Variants in TERF2 observed in about 807,000 individuals in gnomAD.
The protein encoded by TERF2 is telomeric repeat binding factor 2, also known as telomeric repeat-binding factor 2.
A neutral mutation model predicts 56.1 loss-of-function variants in TERF2; 16 were observed. That is an observed-to-expected ratio of 0.29 (90% confidence interval 0.19 to 0.43). The LOEUF (loss-of-function observed/expected upper bound fraction) is 0.43, where lower values mean the gene tolerates loss of function less well. TERF2 is among the 20% of genes least tolerant of loss of function. The pLI, the probability that TERF2 is intolerant of heterozygous loss-of-function variation, is 1.00. For missense variants in TERF2, 547 were observed against 712.9 expected (o/e 0.77, Z 2.65); for synonymous variants, 296 against 282.1 (o/e 1.05, Z -0.50).
intron 8 of TERF2, among the ~76,000 whole-genome samples, chr16:69,358,404 C>G (rs2013001879): frequency 6.6e-6 from 1 of 152,204 alleles, no homozygotes; most frequent in Non-Finnish European, 1.5e-5. Flanking sequence ...CCTCGGCCTC[C>G]CAAAGTGCTG....
intron 6 of TERF2, among the ~76,000 whole-genome samples, chr16:69,367,987 C>T (rs1412390639): frequency 6.6e-6 from 1 of 152,210 alleles, no homozygotes; most frequent in Non-Finnish European, 1.5e-5. Context: ...GTTTCCTAAC[C>T]GGCCCTCAAA....
chr16:69,370,670 C>T lies in TERF2; in HGVS notation c.694-41G>A, dbSNP rs531970163. ...ATATTTGCAACATGAGAAAGTAGAA[C>T]TCCAGTAAAAATTCAATGATGATGA... On this transcript the variant is annotated intron_variant, in intron 4 of 9. Coordinates refer to ENST00000254942, the MANE Select transcript of TERF2 (RefSeq NM_005652.5). The T allele has an allele frequency of 3.8e-6, 6 of 1,560,782 alleles. No homozygotes were observed. In the South Asian group the frequency reaches 7.2e-5, roughly 19 times the overall value.
At chr16:69,385,050 AG>A (rs2014139242) in intron 2 of TERF2, among the ~76,000 whole-genome samples, 1 of 152,178 alleles carries the variant, frequency 6.6e-6, no homozygotes, top group Admixed American at 6.5e-5. Context: ...TTAAATTCAG[AG>A]GGGAAAAATG....
At chr16:69,361,510 G>A in intron 7 of TERF2, 21 bp from the exon 8 acceptor site, 2 of 1,556,414 alleles carry the variant, frequency 1.3e-6, no homozygotes, top group Non-Finnish European at 1.8e-6. Flanking sequence ...ATCAAGGAGA[G>A]CACAGGTATA....
rs761129705 is a variant in TERF2, at chr16:69,366,798, T to A, written c.1340+9A>T. The A allele has an allele frequency of 3.0e-5, 48 of 1,597,398 alleles. No homozygotes were observed. Among genetic ancestry groups the A allele is most frequent in the Non-Finnish European group, 3.9e-5 (46 of 1,171,314 alleles). On this transcript the variant is annotated intron_variant, in intron 7 of 9. Coordinates refer to ENST00000254942, the MANE Select transcript of TERF2 (RefSeq NM_005652.5). Reference sequence around the variant, plus strand: ...AGCCCCAAAATTTCTACAAAGAAGGTCTTCATACTTGGGATTCTTCTCTCC... The same window carrying A: ...AGCCCCAAAATTTCTACAAAGAAGGACTTCATACTTGGGATTCTTCTCTCC...
chr16:69,368,326 A>G (rs749741446), intron 6 of TERF2, 50 bp downstream of exon 6: 5 of 1,579,312 alleles, frequency 3.2e-6, no homozygotes, highest in Non-Finnish European at 4.3e-6. Context: ...GACTGCTTCC[A>G]GCGACCACCC....
In TERF2 at chr16:69,357,570, C is replaced by T; in HGVS notation, c.1427-9G>A. 1 of 1,613,076 alleles carries T rather than the reference C, an allele frequency of 6.2e-7. No individual in the cohort carries two copies. On this transcript the variant is annotated splice_polypyrimidine_tract_variant and intron_variant, in intron 8 of 9. Coordinates refer to ENST00000254942, the MANE Select transcript of TERF2 (RefSeq NM_005652.5). ...GTCTTCATCTGGTGCTGCTGGAAAA[C>T]ATTAAAAGTAGACTCATTTCAGAGT...
intron 4 of TERF2, 101 bp downstream of exon 4, chr16:69,372,168 A>C: frequency 1.3e-6 from 1 of 750,472 alleles, no homozygotes; most frequent in East Asian, 2.7e-5. Flanking sequence ...TGAAAGGAGA[A>C]TATTTAAGTA....
chr16:69,360,338 T>C (rs2013087105), intron 8 of TERF2, among the ~76,000 whole-genome samples: 2 of 150,700 alleles, frequency 1.3e-5, no homozygotes, highest in South Asian at 4.2e-4. Context: ...TGAGCCGAGA[T>C]CGCACCATTG....
chr16:69,383,584 T>C (rs2014080876), intron 3 of TERF2, among the ~76,000 whole-genome samples: 1 of 152,244 alleles, frequency 6.6e-6, no homozygotes, highest in Non-Finnish European at 1.5e-5. Context: ...AAATGACTAA[T>C]ATTTAAGCAT....
intron 3 of TERF2, among the ~76,000 whole-genome samples, chr16:69,373,725 C>T (rs755000848): frequency 3.3e-5 from 5 of 152,066 alleles, no homozygotes; most frequent in South Asian, 2.1e-4. Flanking sequence ...CCCAGCTACT[C>T]GGGAGGTTGA....
chr16:69,370,627 C>T lies in TERF2; in HGVS notation c.696G>A (p.Lys232=), dbSNP rs1162072379. 1 of 1,606,264 alleles carries T rather than the reference C, an allele frequency of 6.2e-7. No homozygotes were observed. Among genetic ancestry groups the T allele is most frequent in the East Asian group, 2.2e-5 (1 of 44,802 alleles). ...KHMSKDPTTQ[K]LRNDLLNIIR... Reference sequence around the variant, plus strand: ...TAATATTCAGGAGATCATTTCTCAGCTTCTACACAATGGACCGATATTTGC... The same window carrying T: ...TAATATTCAGGAGATCATTTCTCAGTTTCTACACAATGGACCGATATTTGC... The change falls in exon 5 of 10, where the codon AAG becomes AAA. Residue 232 remains lysine, a splice_region_variant and synonymous_variant. Transcript: ENST00000254942.
chr16:69,365,991 G>A (rs1041119837), intron 7 of TERF2: 1 of 152,220 alleles, frequency 6.6e-6, no homozygotes, highest in Admixed American at 6.5e-5. Flanking sequence ...TCTCCTCTGT[G>A]TAATGGGGCT....
rs1225613016 is a variant in TERF2, at chr16:69,372,364, G to A, written c.607-9C>T. 2.5e-6 allele frequency: 4 copies of A among 1,578,892 alleles called. No homozygotes were observed. The highest frequency in any genetic ancestry group is 1.8e-5 in the Admixed American group (1 of 54,912). The stretch of plus-strand genomic sequence containing the variant: ...ATACAAATAATGACAGCCTAAAAAG[G>A]AGGGGAAAAATCTTTTTTTACTTTT... On this transcript the variant is annotated splice_polypyrimidine_tract_variant and intron_variant, in intron 3 of 9. Coordinates refer to ENST00000254942, the MANE Select transcript of TERF2 (RefSeq NM_005652.5).
chr16:69,361,586 C>G, intron 7 of TERF2, 97 bp from the exon 8 acceptor site: 1 of 866,614 alleles, frequency 1.2e-6, no homozygotes, highest in African/African-American at 1.6e-5. Flanking sequence ...GTACTCCTTC[C>G]TGTCCCGTTG....
intron 6 of TERF2, 97 bp from the exon 7 acceptor site, chr16:69,367,296 G>T: frequency 7.6e-7 from 1 of 1,319,396 alleles, no homozygotes; most frequent in Non-Finnish European, 1.0e-6. Flanking sequence ...TCAAATTCCA[G>T]TTGAGGAGGC....
At chr16:69,363,284 CCT>C (rs1440973643) in intron 7 of TERF2, among the ~76,000 whole-genome samples, 1 of 152,190 alleles carries the variant, frequency 6.6e-6, no homozygotes, top group Non-Finnish European at 1.5e-5. Flanking sequence ...CGTCATGTTC[CCT>C]GAGTGGCTGT....
At position 69,366,639 on chromosome 16, in the gene TERF2, AG is replaced by A. The variant is rs992747820; in HGVS notation, c.1340+167del. ...CCACATGCGGGGCTTCAGAACCGGC[AG>A]GGATGGCTACGTCGTCACTGGCCAC... On this transcript the variant is annotated intron_variant, in intron 7 of 9. Coordinates refer to ENST00000254942, the MANE Select transcript of TERF2 (RefSeq NM_005652.5). 3.4e-6 allele frequency: 3 copies of A among 869,690 alleles called. No individual in the cohort carries two copies. In the African/African-American group the frequency reaches 5.1e-5, roughly 15 times the overall value. The allele number at this position is 869,690 out of a possible 1,614,324, so 53.9% of individuals were successfully genotyped here. A position where few individuals can be genotyped will look rare whatever the true frequency, so the allele number is the denominator to read the frequency against.
intron 7 of TERF2, chr16:69,365,351 A>C (rs1037323602): frequency 6.6e-6 from 1 of 152,240 alleles, no homozygotes; most frequent in Non-Finnish European, 1.5e-5. Flanking sequence ...GTGCCTGAGG[A>C]TAAATCACTT....
Sources: allele counts gnomAD v4.1 joint callset (sites outside exome capture counted in the v4.1 genomes callset), GRCh38; gene constraint gnomAD v4.1.1; transcripts MANE v1.5; gene names NCBI Gene and HGNC (gene_info 2026-07-23, HGNC 2026-07-21).